FGF13: variants seen among roughly 807,000 people sequenced by gnomAD.
FGF13 encodes fibroblast growth factor 13.
Under a neutral mutation model 19.5 loss-of-function variants are expected in FGF13, and 2 were observed. The observed-to-expected ratio is 0.10, with a 90% CI of 0.04 to 0.32. The LOEUF is 0.32. Ranked by LOEUF, FGF13 falls within the 10% of genes least tolerant of loss-of-function variation. FGF13 has a pLI of 1.00. For synonymous variants in FGF13, 72 were observed against 76.9 expected, an observed-to-expected ratio of 0.94 and a Z score of 0.33; for missense variants, 113 against 192.7, an observed-to-expected ratio of 0.59 and a Z score of 2.45.
At chrX:139,054,907 GTATTGTATTGTA>G (rs2092316376) in intron 1 of FGF13, among the ~76,000 whole-genome samples, 10 of 106,744 alleles carry the variant, frequency 9.4e-5, no homozygotes, top group Admixed American at 9.0e-4. Flanking sequence ...GTGTTGTATT[GTATTGTATTGTA>G]TTGTATTGTA....
At chrX:139,020,003 A>T (rs2124382441) in intron 1 of FGF13, among the ~76,000 whole-genome samples, 1 of 110,947 alleles carries the variant, frequency 9.0e-6, no homozygotes, top group East Asian at 2.9e-4. Context: ...AGTACAAAGT[A>T]ATAGAAAACC....
chrX:139,051,428 A>G (rs1192615167), intron 1 of FGF13, among the ~76,000 whole-genome samples: 1 of 111,606 alleles, frequency 9.0e-6, no homozygotes, highest in African/African-American at 3.3e-5. Context: ...CTTTTATTCA[A>G]ATGAAACCCC....
intron 1 of FGF13, among the ~76,000 whole-genome samples, chrX:139,037,146 T>A (rs986913727): frequency 9.0e-6 from 1 of 111,231 alleles, no homozygotes; most frequent in Non-Finnish European, 1.9e-5. Context: ...CTGCTGCTTC[T>A]CTGCAGAAAA....
chrX:138,820,848 G>C (rs1327160192), intron 3 of FGF13, among the ~76,000 whole-genome samples: 1 of 110,974 alleles, frequency 9.0e-6, no homozygotes, highest in Non-Finnish European at 1.9e-5. Flanking sequence ...TGTGCATGGT[G>C]CTCCTAGATA....
chrX:139,045,509 G>C (rs759148745), intron 1 of FGF13, among the ~76,000 whole-genome samples: 2 of 112,663 alleles, frequency 1.8e-5, no homozygotes, highest in South Asian at 7.4e-4. Flanking sequence ...AGGCTGCAAG[G>C]TTTCCAAACT....
At chrX:138,789,282 C>T (rs922096323) in intron 3 of FGF13, among the ~76,000 whole-genome samples, 1 of 110,069 alleles carries the variant, frequency 9.1e-6, no homozygotes, top group Non-Finnish European at 1.9e-5. Context: ...GATTCTGCTG[C>T]CTCAGCCTCC....
At chrX:139,150,071 C>A (rs1164152449) in intron 1 of FGF13, among the ~76,000 whole-genome samples, 1 of 111,693 alleles carries the variant, frequency 9.0e-6, no homozygotes, top group Non-Finnish European at 1.9e-5. Context: ...CTAATTCTCT[C>A]CATCTGAATA....
At chrX:139,022,783 A>G (rs765778798) in intron 1 of FGF13, among the ~76,000 whole-genome samples, 1 of 111,319 alleles carries the variant, frequency 9.0e-6, no homozygotes, top group African/African-American at 3.3e-5. Context: ...CATATACAGT[A>G]TGAGGTTCTC....
chrX:138,991,536 CT>C (rs1428209769), intron 1 of FGF13, among the ~76,000 whole-genome samples: 2 of 111,953 alleles, frequency 1.8e-5, no homozygotes, highest in African/African-American at 6.5e-5. Flanking sequence ...CTTTTCAGCT[CT>C]GAGTTATATG....
At chrX:138,738,610 T>C (rs2090297272) in intron 1 of FGF13, among the ~76,000 whole-genome samples, 1 of 111,787 alleles carries the variant, frequency 8.9e-6, no homozygotes, top group African/African-American at 3.3e-5. Flanking sequence ...ATCAGCTATC[T>C]GCGGCATCTG....
chrX:138,968,133 T>C (rs187621493), intron 1 of FGF13, among the ~76,000 whole-genome samples: 60 of 111,578 alleles, frequency 5.4e-4, no homozygotes, highest in Admixed American at 5.3e-3. Context: ...CTCTTGCAAG[T>C]TCTGACAATT....
intron 3 of FGF13, among the ~76,000 whole-genome samples, chrX:138,847,037 A>C (rs1274872515): frequency 1.8e-5 from 2 of 111,584 alleles, no homozygotes; most frequent in African/African-American, 6.5e-5. Flanking sequence ...GAAGGACTGT[A>C]GACAGAATTT....
chrX:138,846,554 C>T (rs774956997), intron 3 of FGF13, among the ~76,000 whole-genome samples: 69 of 112,302 alleles, frequency 6.1e-4, no homozygotes, highest in Non-Finnish European at 1.1e-3. Context: ...GTGCTGGCTC[C>T]AGCATTGCCT....
chrX:138,617,479 G>A lies in FGF13; in HGVS notation c.*15371C>T, dbSNP rs1315420367. On this transcript the variant is annotated 3_prime_UTR_variant, in exon 5 of 5. Coordinates refer to ENST00000315930, the MANE Select transcript of FGF13 (RefSeq NM_004114.5). ...CAAATTTGTTAGAGGTGTGGACCAA[G>A]CCAAATTAAATTGTAACTATAAGTT... 1 of 112,034 alleles carries A rather than the reference G, an allele frequency of 8.9e-6. No individual in the cohort carries two copies. The highest frequency in any genetic ancestry group is 1.9e-5 in the Non-Finnish European group (1 of 53,238). 9.2% of individuals were successfully genotyped at this position (112,034 alleles called of 1,213,427 possible). A position where few individuals can be genotyped will look rare whatever the true frequency, so the allele number is the denominator to read the frequency against.
intron 3 of FGF13, among the ~76,000 whole-genome samples, chrX:138,792,309 AT>A: frequency 8.9e-6 from 1 of 112,380 alleles, no homozygotes; most frequent in Middle Eastern, 4.6e-3. Flanking sequence ...TATTACGCCT[AT>A]TCTTCAGATT....
At chrX:139,054,414 C>T (rs1022785471) in intron 1 of FGF13, among the ~76,000 whole-genome samples, 2 of 111,228 alleles carry the variant, frequency 1.8e-5, no homozygotes, top group East Asian at 5.7e-4. Flanking sequence ...TGAGCCACCG[C>T]GCCCGGCTGG....
chrX:138,749,859 T>C (rs975998419), intron 3 of FGF13, among the ~76,000 whole-genome samples: 10 of 111,823 alleles, frequency 8.9e-5, no homozygotes, highest in Non-Finnish European at 7.5e-5. Context: ...CTTTATGCCA[T>C]GGGGAACCAT....
At chrX:138,893,651 G>A (rs545176244) in intron 1 of FGF13, among the ~76,000 whole-genome samples, 2 of 111,441 alleles carry the variant, frequency 1.8e-5, no homozygotes, top group South Asian at 7.7e-4. Flanking sequence ...AAAAAAAACA[G>A]GTATTAGAGA....
intron 1 of FGF13, among the ~76,000 whole-genome samples, chrX:138,901,280 G>A (rs963304122): frequency 1.8e-5 from 2 of 111,575 alleles, no homozygotes; most frequent in Non-Finnish European, 3.8e-5. Flanking sequence ...TTTAGCATCT[G>A]GACTGATACG....
Sources: allele counts gnomAD v4.1 joint callset (sites outside exome capture counted in the v4.1 genomes callset), GRCh38; gene constraint gnomAD v4.1.1; transcripts MANE v1.5; gene names NCBI Gene and HGNC (gene_info 2026-07-23, HGNC 2026-07-21).